The following OPCML variants were observed in gnomAD, a reference collection of about 807,000 sequenced individuals.
The protein encoded by OPCML is opioid binding protein/cell adhesion molecule like, also known as opioid-binding protein/cell adhesion molecule.
OPCML carries 13 observed loss-of-function variants against 37.8 expected under a neutral mutation model. The observed-to-expected ratio is 0.34, with a 90% CI of 0.22 to 0.55. The LOEUF (loss-of-function observed/expected upper bound fraction) is 0.55. Ranked by LOEUF, OPCML falls within the 20% of genes least tolerant of loss-of-function variation. The pLI is 0.91. For missense variants in OPCML, 341 were observed against 435.6 expected (o/e 0.78, Z 1.93); for synonymous variants, 176 against 168.8 (o/e 1.04, Z -0.33).
intron 2 of OPCML, among the ~76,000 whole-genome samples, chr11:132,786,344 A>T (rs1011474836): frequency 2.0e-5 from 3 of 152,258 alleles, no homozygotes; most frequent in East Asian, 1.9e-4. Flanking sequence ...AATTGCACAC[A>T]ATAGTACACA....
chr11:132,805,759 A>C (rs2136213859), intron 2 of OPCML, among the ~76,000 whole-genome samples: 1 of 152,282 alleles, frequency 6.6e-6, no homozygotes, highest in East Asian at 1.9e-4. Flanking sequence ...TTTCACTGTA[A>C]GAAATTAAAA....
At chr11:133,276,162 G>A (rs926047683) in intron 1 of OPCML, among the ~76,000 whole-genome samples, 1 of 152,164 alleles carries the variant, frequency 6.6e-6, no homozygotes, top group Non-Finnish European at 1.5e-5. Flanking sequence ...TTTATTAGTG[G>A]CAAAGAGGGA....
At chr11:132,679,552 A>G (rs983343109) in intron 2 of OPCML, among the ~76,000 whole-genome samples, 2 of 152,216 alleles carry the variant, frequency 1.3e-5, no homozygotes, top group African/African-American at 4.8e-5. Context: ...ATCTAAAAAG[A>G]CAGAAAATAG....
intron 1 of OPCML, among the ~76,000 whole-genome samples, chr11:133,287,823 G>A (rs1222187277): frequency 1.3e-5 from 2 of 152,194 alleles, no homozygotes; most frequent in African/African-American, 2.4e-5. Flanking sequence ...ACTGGAGAAG[G>A]AGGAAACTGT....
At chr11:133,332,125 C>T (rs537776753) in intron 1 of OPCML, among the ~76,000 whole-genome samples, 2 of 152,268 alleles carry the variant, frequency 1.3e-5, no homozygotes, top group Admixed American at 1.3e-4. Flanking sequence ...TTGTAATTCT[C>T]ATTGTAGAGA....
At chr11:133,326,707 T>A (rs1943470053) in intron 1 of OPCML, among the ~76,000 whole-genome samples, 1 of 89,706 alleles carries the variant, frequency 1.1e-5, no homozygotes, top group South Asian at 4.4e-4. Context: ...GTATATTGTG[T>A]AGTGGGGTGT....
intron 4 of OPCML, among the ~76,000 whole-genome samples, chr11:132,463,059 C>A (rs1592212074): frequency 6.6e-6 from 1 of 152,280 alleles, no homozygotes; most frequent in Non-Finnish European, 1.5e-5. Flanking sequence ...CCCACTTATC[C>A]AATAGTGAAG....
chr11:132,807,232 G>GT (rs1194258411), intron 2 of OPCML, among the ~76,000 whole-genome samples: 5 of 152,068 alleles, frequency 3.3e-5, no homozygotes, highest in Non-Finnish European at 7.4e-5. Context: ...CTCAAACTTG[G>GT]TTTTTTTGGA....
chr11:132,572,138 C>T (rs1158533261), intron 3 of OPCML, among the ~76,000 whole-genome samples: 28 of 149,564 alleles, frequency 1.9e-4, no homozygotes, highest in East Asian at 2.0e-4. Flanking sequence ...TTGAGTTGTA[C>T]GAGTTCTTTA....
At chr11:133,486,802 G>A (rs1424380112) in intron 1 of OPCML, among the ~76,000 whole-genome samples, 1 of 151,316 alleles carries the variant, frequency 6.6e-6, no homozygotes, top group Non-Finnish European at 1.5e-5. Flanking sequence ...TGTTCCCTCT[G>A]GCTTGCTCTC....
At chr11:133,403,941 T>C (rs969192570) in intron 1 of OPCML, among the ~76,000 whole-genome samples, 3 of 152,210 alleles carry the variant, frequency 2.0e-5, no homozygotes, top group African/African-American at 7.2e-5. Flanking sequence ...TAAAACTTAG[T>C]CTGCAAATTA....
chr11:132,547,510 G>C (rs2096371475), intron 3 of OPCML, among the ~76,000 whole-genome samples: 1 of 152,126 alleles, frequency 6.6e-6, no homozygotes, highest in Non-Finnish European at 1.5e-5. Flanking sequence ...CTGGAAAAGT[G>C]AACAGCCAGG....
At chr11:133,139,721 G>A (rs914678965) in intron 1 of OPCML, among the ~76,000 whole-genome samples, 13 of 152,138 alleles carry the variant, frequency 8.5e-5, no homozygotes, top group African/African-American at 4.8e-5. Flanking sequence ...TTTTACATAT[G>A]AATGCGGGGC....
chr11:132,725,615 C>T (rs113696163), intron 2 of OPCML, among the ~76,000 whole-genome samples: 7,945 of 152,058 alleles, frequency 0.052, 425 homozygotes, highest in African/African-American at 0.14. Flanking sequence ...TGTTAGGCTG[C>T]AAATTTTCCA....
intron 3 of OPCML, among the ~76,000 whole-genome samples, chr11:132,592,007 AT>A (rs567175037): frequency 1.0e-3 from 152 of 152,326 alleles, no homozygotes; most frequent in African/African-American, 3.4e-3. Context: ...GAAAGTATAG[AT>A]TCTGTTTCTA....
At chr11:132,727,372 G>A (rs1944923540) in intron 2 of OPCML, among the ~76,000 whole-genome samples, 1 of 152,158 alleles carries the variant, frequency 6.6e-6, no homozygotes, top group South Asian at 2.1e-4. Flanking sequence ...GGTAACTTGT[G>A]GGCTTCTCCA....
chr11:132,827,277 A>G (rs1469774688), intron 2 of OPCML, among the ~76,000 whole-genome samples: 2 of 152,204 alleles, frequency 1.3e-5, no homozygotes, highest in Non-Finnish European at 2.9e-5. Context: ...ACCCCACCAA[A>G]TATGATCTAC....
intron 1 of OPCML, among the ~76,000 whole-genome samples, chr11:133,105,083 T>C (rs1949137360): frequency 6.6e-6 from 1 of 152,220 alleles, no homozygotes; most frequent in African/African-American, 2.4e-5. Flanking sequence ...GTTTAGAGAA[T>C]TGCCTGGAAA....
intron 1 of OPCML, chr11:133,422,698 A>G (rs1462475454): frequency 1.0e-6 from 1 of 984,298 alleles, no homozygotes; most frequent in Non-Finnish European, 1.2e-6. Context: ...GAGGAAATAT[A>G]TGCAAACACT....
Sources: gnomAD v4.1 joint callset for allele counts (sites outside exome capture counted in the v4.1 genomes callset) on GRCh38, gnomAD v4.1.1 for gene constraint, MANE v1.5 for transcripts, NCBI Gene and HGNC (gene_info 2026-07-23, HGNC 2026-07-21) for gene names.